PTPN11: variants seen among roughly 807,000 people sequenced by gnomAD.
PTPN11 encodes tyrosine-protein phosphatase non-receptor type 11.
In PTPN11, 6 loss-of-function variants were observed where a neutral mutation model predicts 78.8. That is an observed-to-expected ratio of 0.08 (90% CI 0.04 to 0.15). The LOEUF is 0.15. PTPN11 is among the 10% of genes least tolerant of loss of function. The pLI is 1.00. For missense variants in PTPN11, 386 were observed against 744.8 expected (o/e 0.52, Z 5.61); for synonymous variants, 221 against 263.5 (o/e 0.84, Z 1.56).
rs931979917 is a variant in PTPN11, at chr12:112,506,535, T to C, written c.*743T>C. 1.3e-5 allele frequency: 2 copies of C among 152,168 alleles called. No individual in the cohort carries two copies. Among genetic ancestry groups the C allele is most frequent in the Admixed American group, 6.5e-5 (1 of 15,276 alleles). The allele number at this position is 152,168 out of a possible 1,614,324, so 9.4% of individuals were successfully genotyped here. ...AACGTTTGCCATATTTTCTTTGCATTTGAATAATTGTCTTGTACTTAGAAA... is the reference window on the plus strand; with the variant it reads ...AACGTTTGCCATATTTTCTTTGCATCTGAATAATTGTCTTGTACTTAGAAA... On this transcript the variant is annotated 3_prime_UTR_variant, in exon 16 of 16. Transcript: ENST00000351677.
At chr12:112,432,750 C>T (rs1049071077) in intron 1 of PTPN11, among the ~76,000 whole-genome samples, 1 of 150,962 alleles carries the variant, frequency 6.6e-6, no homozygotes, top group Non-Finnish European at 1.5e-5. Flanking sequence ...TAGGCCAAGG[C>T]AGGAGAATCA....
At chr12:112,467,223 A>G (rs1397290070) in intron 6 of PTPN11, among the ~76,000 whole-genome samples, 1 of 152,224 alleles carries the variant, frequency 6.6e-6, no homozygotes, top group Non-Finnish European at 1.5e-5. Context: ...AACATGGATC[A>G]GGACATTGAC....
intron 6 of PTPN11, among the ~76,000 whole-genome samples, chr12:112,465,638 G>C (rs545670318): frequency 5.3e-5 from 8 of 151,978 alleles, no homozygotes; most frequent in Non-Finnish European, 1.0e-4. Flanking sequence ...CAGTATCCTT[G>C]CTCTCCATAC....
chr12:112,419,397 C>T (rs2037482661), intron 1 of PTPN11, among the ~76,000 whole-genome samples: 1 of 152,204 alleles, frequency 6.6e-6, no homozygotes, highest in Admixed American at 6.5e-5. Flanking sequence ...GCAGGTAGAG[C>T]CGCCGAGGGA....
intron 12 of PTPN11, 77 bp from the exon 13 acceptor site, chr12:112,488,947 C>G: frequency 6.4e-7 from 1 of 1,559,412 alleles, no homozygotes; most frequent in Non-Finnish European, 8.8e-7. Flanking sequence ...TCTCTGAGTC[C>G]ACTAAAAGTT....
At chr12:112,438,097 G>T (rs1592814543) in intron 1 of PTPN11, among the ~76,000 whole-genome samples, 1 of 152,104 alleles carries the variant, frequency 6.6e-6, no homozygotes, top group South Asian at 2.1e-4. Flanking sequence ...TCTGGGGGTG[G>T]TTTTAGAGCA....
chr12:112,426,812 A>G (rs2037623086), intron 1 of PTPN11, among the ~76,000 whole-genome samples: 1 of 151,600 alleles, frequency 6.6e-6, no homozygotes, highest in South Asian at 2.1e-4. Context: ...TATTTATTTT[A>G]TTTTTGTAGA....
intron 13 of PTPN11, among the ~76,000 whole-genome samples, chr12:112,492,758 C>A (rs2038764914): frequency 6.6e-6 from 1 of 152,128 alleles, no homozygotes; most frequent in Non-Finnish European, 1.5e-5. Flanking sequence ...ACCTTGTGAT[C>A]TGCCCGCCTT....
At chr12:112,480,624 T>A (rs2038581885) in intron 9 of PTPN11, among the ~76,000 whole-genome samples, 1 of 152,124 alleles carries the variant, frequency 6.6e-6, no homozygotes, top group South Asian at 2.1e-4. Flanking sequence ...CTTCCCAAAG[T>A]GCTGGGATTA....
Position 112,488,450 on chromosome 12 carries a change from A to G in PTPN11, c.1387A>G (p.Ile463Val). 1.2e-6 allele frequency: 2 copies of G among 1,612,346 alleles called. No homozygotes were observed. Among genetic ancestry groups the G allele is most frequent in the Non-Finnish European group, 1.7e-6 (2 of 1,178,370 alleles). The change falls in exon 12 of 16, where the codon ATT (isoleucine) becomes GTT (valine). Residue 463 changes from isoleucine to valine, a missense_variant. Coordinates refer to ENST00000351677, the MANE Select transcript of PTPN11 (RefSeq NM_002834.5). ...TTGTCCTTCTGCCCGCAGTGCTGGA[A>G]TTGGCCGGACAGGGACGTTCATTGT... Reference protein sequence around the residue: ...GPVVVHCSAGIGRTGTFIVID... With the variant: ...GPVVVHCSAGVGRTGTFIVID...
intron 2 of PTPN11, 29 bp downstream of exon 2, chr12:112,446,427 G>C: frequency 6.2e-7 from 1 of 1,613,962 alleles, no homozygotes; most frequent in Non-Finnish European, 8.5e-7. Context: ...AGAGGATCCT[G>C]AGAGTGTTTT....
intron 1 of PTPN11, among the ~76,000 whole-genome samples, chr12:112,427,533 G>A (rs1234820728): frequency 2.0e-5 from 3 of 150,746 alleles, no homozygotes; most frequent in African/African-American, 4.9e-5. Flanking sequence ...GCGACAGAGC[G>A]AGACTCTGTC....
chr12:112,470,492 C>T (rs1381121679), intron 6 of PTPN11, among the ~76,000 whole-genome samples: 1 of 152,160 alleles, frequency 6.6e-6, no homozygotes, highest in African/African-American at 2.4e-5. Flanking sequence ...AGAGGCAGGC[C>T]CTGATTAGCT....
chr12:112,493,250 G>A (rs935840514), intron 13 of PTPN11, among the ~76,000 whole-genome samples: 7 of 151,948 alleles, frequency 4.6e-5, no homozygotes, highest in African/African-American at 1.7e-4. Context: ...GTAGAGGTGG[G>A]GTTTCACTAC....
At chr12:112,470,714 G>A (rs1223023822) in intron 6 of PTPN11, among the ~76,000 whole-genome samples, 6 of 152,074 alleles carry the variant, frequency 3.9e-5, no homozygotes, top group African/African-American at 1.4e-4. Flanking sequence ...ATGCTTTCCT[G>A]ACAAGTTTGT....
At chr12:112,499,768 A>T (rs1411237625) in intron 13 of PTPN11, among the ~76,000 whole-genome samples, 1 of 141,562 alleles carries the variant, frequency 7.1e-6, no homozygotes, top group Non-Finnish European at 1.5e-5. Context: ...TGGGCAACAT[A>T]ATGAGACCCC....
chr12:112,433,675 G>T (rs2037746630), intron 1 of PTPN11, among the ~76,000 whole-genome samples: 1 of 152,234 alleles, frequency 6.6e-6, no homozygotes, highest in African/African-American at 2.4e-5. Flanking sequence ...TACTGGCTGG[G>T]CGCAGTGGCT....
At chr12:112,473,878 G>A (rs963883222) in intron 7 of PTPN11, among the ~76,000 whole-genome samples, 2 of 151,456 alleles carry the variant, frequency 1.3e-5, no homozygotes, top group African/African-American at 2.4e-5. Context: ...GTGAATATTC[G>A]CAAAGCTGTA....
chr12:112,419,541 G>T (rs1294047053), intron 1 of PTPN11, among the ~76,000 whole-genome samples: 1 of 152,230 alleles, frequency 6.6e-6, no homozygotes, highest in African/African-American at 2.4e-5. Flanking sequence ...GAGTTGCGCG[G>T]GGCCGGGCCC....
Sources: gnomAD v4.1 joint callset for allele counts (sites outside exome capture counted in the v4.1 genomes callset) on GRCh38, gnomAD v4.1.1 for gene constraint, MANE v1.5 for transcripts, NCBI Gene and HGNC (gene_info 2026-07-23, HGNC 2026-07-21) for gene names.